ANKS1B: variants seen among roughly 807,000 people sequenced by gnomAD.
The protein encoded by ANKS1B is ankyrin repeat and sterile alpha motif domain containing 1B, also known as ankyrin repeat and sterile alpha motif domain-containing protein 1B.
In ANKS1B, 36 loss-of-function variants were observed where a neutral mutation model predicts 148.3. That is an observed-to-expected ratio of 0.24 (90% CI 0.19 to 0.32). The LOEUF is 0.32. Among genes scored for constraint, ANKS1B ranks in the 10% least tolerant of loss-of-function variants. The probability of loss-of-function intolerance (pLI) is 1.00; values close to 1 mark genes in which losing one functional copy is unlikely to be tolerated. For synonymous variants in ANKS1B, 542 were observed against 560.8 expected, an observed-to-expected ratio of 0.97 and a Z score of 0.47; for missense variants, 1,157 against 1,542.6, an observed-to-expected ratio of 0.75 and a Z score of 4.19.
intron 17 of ANKS1B, among the ~76,000 whole-genome samples, chr12:98,987,452 GCA>G (rs2099924137): frequency 6.6e-6 from 1 of 151,948 alleles, no homozygotes; most frequent in South Asian, 2.1e-4. Context: ...TGCAATAGTA[GCA>G]AAATAATAAC....
At chr12:99,185,660 A>G (rs2079738061) in intron 14 of ANKS1B, among the ~76,000 whole-genome samples, 1 of 152,178 alleles carries the variant, frequency 6.6e-6, no homozygotes, top group African/African-American at 2.4e-5. Flanking sequence ...TCCCTCCCCT[A>G]GCCAAGGGAA....
At chr12:99,185,402 A>T (rs1443550296) in intron 14 of ANKS1B, among the ~76,000 whole-genome samples, 2 of 152,240 alleles carry the variant, frequency 1.3e-5, no homozygotes, top group African/African-American at 4.8e-5. Context: ...TAGATTTTAA[A>T]TTGGTTTGTG....
intron 1 of ANKS1B, among the ~76,000 whole-genome samples, chr12:99,874,484 T>C (rs925147676): frequency 2.0e-5 from 3 of 152,206 alleles, no homozygotes; most frequent in African/African-American, 7.2e-5. Context: ...TGTCAAGATA[T>C]TTTGGATTCC....
intron 1 of ANKS1B, among the ~76,000 whole-genome samples, chr12:99,863,722 T>TA (rs66513776): frequency 0.15 from 21,581 of 142,884 alleles, 1,894 homozygotes; most frequent in Middle Eastern, 0.22. Flanking sequence ...CTCAAAAAAA[T>TA]AAAAAAAAAA....
chr12:98,767,706 T>G (rs1213369867), intron 25 of ANKS1B, among the ~76,000 whole-genome samples: 1 of 152,248 alleles, frequency 6.6e-6, no homozygotes, highest in Non-Finnish European at 1.5e-5. Context: ...GATACAAATC[T>G]GATACTCCCA....
At chr12:99,222,723 A>G (rs188007377) in intron 14 of ANKS1B, among the ~76,000 whole-genome samples, 2 of 152,302 alleles carry the variant, frequency 1.3e-5, no homozygotes, top group African/African-American at 4.8e-5. Context: ...TTTTATTGAG[A>G]TATGAATTGT....
rs74351644 is a variant in ANKS1B, at chr12:99,683,238, G to A, written c.1129-28028C>T. Among the ~76,000 whole-genome samples the A allele has an allele frequency of 1.1e-4, 16 of 152,166 alleles. No individual in the cohort carries two copies. The East Asian group carries it at 3.1e-3, about 29-fold the overall frequency. ...GGACACAGCCAAATCATATCAGCGA[G>A]ATTAACCAAGAAAAGAGAGAATATC... On this transcript the variant is annotated intron_variant, in intron 8 of 26. Coordinates refer to ENST00000683438, the MANE Select transcript of ANKS1B (RefSeq NM_001352186.2).
chr12:99,154,539 TA>T, intron 14 of ANKS1B, 144 bp from the exon 15 acceptor site: 9 of 1,588,676 alleles, frequency 5.7e-6, no homozygotes, highest in Non-Finnish European at 7.7e-6. Flanking sequence ...CTTGACAGAT[TA>T]ATGTTCTCAG....
At chr12:99,640,974 G>C (rs548790435) in intron 9 of ANKS1B, among the ~76,000 whole-genome samples, 2 of 152,262 alleles carry the variant, frequency 1.3e-5, no homozygotes, top group African/African-American at 4.8e-5. Flanking sequence ...AGTATATAAA[G>C]CAGGAAGTTA....
intron 8 of ANKS1B, among the ~76,000 whole-genome samples, chr12:99,713,736 C>T (rs1780068393): frequency 6.6e-6 from 1 of 152,122 alleles, no homozygotes; most frequent in Non-Finnish European, 1.5e-5. Flanking sequence ...ATGTTCCTCA[C>T]TTCCTTCTGA....
intron 8 of ANKS1B, among the ~76,000 whole-genome samples, chr12:99,769,665 C>G (rs1303547050): frequency 6.6e-6 from 1 of 152,182 alleles, no homozygotes; most frequent in African/African-American, 2.4e-5. Context: ...CCGCATGAAA[C>G]TGGGAAAGTC....
intron 1 of ANKS1B, among the ~76,000 whole-genome samples, chr12:99,825,893 C>G (rs2083120117): frequency 6.6e-6 from 1 of 152,100 alleles, no homozygotes; most frequent in Non-Finnish European, 1.5e-5. Context: ...ATATTTCATA[C>G]TTGAAAATAA....
intron 8 of ANKS1B, among the ~76,000 whole-genome samples, chr12:99,727,743 T>C (rs995934878): frequency 2.6e-5 from 4 of 152,090 alleles, no homozygotes; most frequent in African/African-American, 9.7e-5. Context: ...CAAACTATAC[T>C]ACAAGGCTAC....
At chr12:98,877,943 A>G (rs2099695629) in intron 17 of ANKS1B, among the ~76,000 whole-genome samples, 1 of 152,188 alleles carries the variant, frequency 6.6e-6, no homozygotes, top group Non-Finnish European at 1.5e-5. Context: ...AGGATGTGCA[A>G]GACTCAGTAC....
chr12:99,958,035 T>G (rs957313978), intron 1 of ANKS1B, among the ~76,000 whole-genome samples: 2 of 152,108 alleles, frequency 1.3e-5, no homozygotes, highest in African/African-American at 4.8e-5. Flanking sequence ...TAAAAATAGA[T>G]GCATGTACAA....
At chr12:98,888,317 C>T in intron 17 of ANKS1B, among the ~76,000 whole-genome samples, 1 of 152,174 alleles carries the variant, frequency 6.6e-6, no homozygotes, top group East Asian at 1.9e-4. Context: ...TATTCTGAAT[C>T]ATTCCACATC....
intron 2 of ANKS1B, among the ~76,000 whole-genome samples, chr12:99,819,862 TA>T (rs2082302579): frequency 6.7e-6 from 1 of 150,312 alleles, no homozygotes; most frequent in Non-Finnish European, 1.5e-5. Flanking sequence ...ATGAGGGGAC[TA>T]AGGAAAGCAG....
chr12:99,895,876 C>T (rs1226108723), intron 1 of ANKS1B, among the ~76,000 whole-genome samples: 2 of 151,272 alleles, frequency 1.3e-5, no homozygotes, highest in African/African-American at 4.8e-5. Flanking sequence ...TCTGCCCCTG[C>T]TTCATTTATA....
intron 17 of ANKS1B, among the ~76,000 whole-genome samples, chr12:98,973,041 T>C (rs1343721463): frequency 6.6e-6 from 1 of 152,214 alleles, no homozygotes; most frequent in Non-Finnish European, 1.5e-5. Flanking sequence ...GTTGGTAACA[T>C]GGACATCTGT....
Sources: allele counts gnomAD v4.1 joint callset (sites outside exome capture counted in the v4.1 genomes callset), GRCh38; gene constraint gnomAD v4.1.1; transcripts MANE v1.5; gene names NCBI Gene and HGNC (gene_info 2026-07-23, HGNC 2026-07-21).